Variants in HYCC2 observed in about 807,000 individuals in gnomAD.
The protein encoded by HYCC2 is hyccin PI4KA lipid kinase complex subunit 2.
chr2:201,051,723 C>T, the HYCC2 span, among the ~76,000 whole-genome samples: 1 of 152,122 alleles, frequency 6.6e-6, no homozygotes, highest in Admixed American at 6.5e-5. Context: ...GTTGGGAAGA[C>T]TCATAAAGAT....
chr2:201,053,593 C>G, the HYCC2 span, among the ~76,000 whole-genome samples: 1 of 152,156 alleles, frequency 6.6e-6, no homozygotes, highest in African/African-American at 2.4e-5. Flanking sequence ...CAGCACTACC[C>G]AACAAATGTG....
chr2:201,062,533 C>T, the HYCC2 span, among the ~76,000 whole-genome samples: 1 of 151,896 alleles, frequency 6.6e-6, no homozygotes, highest in Non-Finnish European at 1.5e-5. Flanking sequence ...CACCTGTAGT[C>T]CCAGCTACTT....
chr2:201,030,363 C>A, the HYCC2 span, among the ~76,000 whole-genome samples: 1 of 151,504 alleles, frequency 6.6e-6, no homozygotes, highest in Admixed American at 6.6e-5. Flanking sequence ...TAAATAGATG[C>A]CCGTAAAAAA....
the HYCC2 span, among the ~76,000 whole-genome samples, chr2:201,001,243 G>A: frequency 2.6e-5 from 4 of 151,950 alleles, no homozygotes; most frequent in Admixed American, 1.3e-4. Context: ...ATGAGGCAGA[G>A]ACTATGAGCC....
At chr2:201,003,886 A>G in the HYCC2 span, among the ~76,000 whole-genome samples, 1 of 133,960 alleles carries the variant, frequency 7.5e-6, no homozygotes, top group African/African-American at 2.9e-5. Flanking sequence ...ATCTCGGCTC[A>G]CTGCAAAACC....
At chr2:201,009,374 A>T in the HYCC2 span, 3 of 252,394 alleles carry the variant, frequency 1.2e-5, no homozygotes, top group Non-Finnish European at 2.3e-5. Context: ...ACTAAAGGTT[A>T]AAAATACATC....
chr2:200,997,318 A>C, the HYCC2 span: 3 of 643,262 alleles, frequency 4.7e-6, no homozygotes, highest in African/African-American at 5.6e-5. Flanking sequence ...TCCTACAGGA[A>C]TGCAAGCTCC....
chr2:201,057,791 GAGA>G, the HYCC2 span, among the ~76,000 whole-genome samples: 1 of 152,002 alleles, frequency 6.6e-6, no homozygotes, highest in Non-Finnish European at 1.5e-5. Context: ...TGACCTTACA[GAGA>G]AGTAGCCCTA....
the HYCC2 span, among the ~76,000 whole-genome samples, chr2:201,065,591 A>C: frequency 6.6e-6 from 1 of 152,270 alleles, no homozygotes; most frequent in Non-Finnish European, 1.5e-5. Context: ...GCAGCTACAG[A>C]AATTGAGAGA....
At chr2:201,013,494 A>G in the HYCC2 span, among the ~76,000 whole-genome samples, 21 of 151,840 alleles carry the variant, frequency 1.4e-4, no homozygotes, top group Admixed American at 6.6e-4. Flanking sequence ...AAAAAAAAAA[A>G]AAAGAAAGAA....
the HYCC2 span, among the ~76,000 whole-genome samples, chr2:201,042,767 G>A: frequency 6.0e-5 from 9 of 149,260 alleles, no homozygotes; most frequent in East Asian, 4.2e-4. Context: ...CCGCCGCCCC[G>A]TCTGGGAGGT....
At chr2:200,988,114 CATTT>C in the HYCC2 span, 3 of 493,752 alleles carry the variant, frequency 6.1e-6, no homozygotes, top group Non-Finnish European at 1.0e-5. Context: ...TAACTTTAGA[CATTT>C]AGTCACATTT....
chr2:200,984,663 T>A, the HYCC2 span, among the ~76,000 whole-genome samples: 8 of 152,230 alleles, frequency 5.3e-5, no homozygotes, highest in African/African-American at 1.9e-4. Flanking sequence ...GACAGGCAGA[T>A]CCCTTGAGTT....
the HYCC2 span, among the ~76,000 whole-genome samples, chr2:200,993,628 TTTAA>T: frequency 6.6e-6 from 1 of 152,158 alleles, no homozygotes; most frequent in Non-Finnish European, 1.5e-5. Flanking sequence ...GAAATTTTTT[TTTAA>T]TTGTTTATAT....
the HYCC2 span, among the ~76,000 whole-genome samples, chr2:201,045,341 T>C: frequency 6.6e-6 from 1 of 152,148 alleles, no homozygotes; most frequent in African/African-American, 2.4e-5. Context: ...ACTTTCAAAA[T>C]AGAATTCAAA....
chr2:201,056,379 T>G, the HYCC2 span, among the ~76,000 whole-genome samples: 1 of 151,984 alleles, frequency 6.6e-6, no homozygotes, highest in East Asian at 1.9e-4. Context: ...GGTAGCAGTA[T>G]AAGATGCTCT....
chr2:200,992,186 AT>A, the HYCC2 span: 1 of 809,960 alleles, frequency 1.2e-6, no homozygotes. Context: ...TGGAATACAA[AT>A]TTTCCCCTAA....
At chr2:201,019,761 A>G in the HYCC2 span, among the ~76,000 whole-genome samples, 2 of 151,888 alleles carry the variant, frequency 1.3e-5, no homozygotes, top group African/African-American at 4.8e-5. Context: ...TGTCTTAAAA[A>G]AAAAAAAGAA....
chr2:201,028,262 T>A, the HYCC2 span, among the ~76,000 whole-genome samples: 2 of 151,998 alleles, frequency 1.3e-5, no homozygotes. Flanking sequence ...TTACAAGACA[T>A]GTGAAGGACT....
Sources: allele counts gnomAD v4.1 joint callset (sites outside exome capture counted in the v4.1 genomes callset), GRCh38; gene constraint gnomAD v4.1.1; transcripts MANE v1.5; gene names NCBI Gene and HGNC (gene_info 2026-07-23, HGNC 2026-07-21).